The following CCDC171 variants were observed in gnomAD, a reference collection of about 807,000 sequenced individuals.
CCDC171 encodes coiled-coil domain containing 171.
CCDC171 carries 177 observed loss-of-function variants against 168.2 expected under a neutral mutation model. The observed-to-expected ratio is 1.05, with a 90% CI of 0.93 to 1.19. The LOEUF (loss-of-function observed/expected upper bound fraction) is 1.19. Ranked by LOEUF, CCDC171 falls within the 50% of genes most tolerant of loss-of-function variation. The pLI, the probability that CCDC171 is intolerant of heterozygous loss-of-function variation, is 0.00. For synonymous variants in CCDC171, 687 were observed against 540.8 expected (o/e 1.27, Z -3.75); for missense variants, 1,991 against 1,539.0 (o/e 1.29, Z -4.91).
Position 15,961,021 on chromosome 9 carries a change from A to AT in CCDC171, c.3754-10588_3754-10587insT, listed in dbSNP as rs138430905. Among the ~76,000 whole-genome samples the AT allele has an allele frequency of 5.7e-3, 874 of 152,324 alleles. 7 individuals carry two copies. Among genetic ancestry groups the AT allele is most frequent in the African/African-American group, 0.02 (826 of 41,576 alleles). On this transcript the variant is annotated intron_variant, in intron 25 of 25. Transcript: ENST00000380701. ...GTGGAAGGGAGGGGCATGCAAAAAA[A>AT]AATGGGTTTCAAATTGCAAAATGAG... is the stretch of plus-strand genomic sequence containing the variant.
At chr9:16,037,265 G>T (rs1054432404) in intron 8 of CCDC171, among the ~76,000 whole-genome samples, 2 of 152,140 alleles carry the variant, frequency 1.3e-5, no homozygotes, top group Non-Finnish European at 2.9e-5. Flanking sequence ...CAATAAATAT[G>T]TACAATTATC....
chr9:15,864,934 T>G (rs1435746281), intron 23 of CCDC171, among the ~76,000 whole-genome samples: 1 of 152,076 alleles, frequency 6.6e-6, no homozygotes, highest in African/African-American at 2.4e-5. Flanking sequence ...TCCTACAAGT[T>G]TGGAAAGATT....
intron 3 of CCDC171, among the ~76,000 whole-genome samples, chr9:15,990,730 G>A (rs1370192041): frequency 6.6e-6 from 1 of 152,106 alleles, no homozygotes; most frequent in African/African-American, 2.4e-5. Context: ...GATGGAGGAA[G>A]ATCTACCAAG....
In CCDC171 at chr9:15,874,659, G is replaced by A. The variant is rs1452378957; in HGVS notation, c.3596G>A (p.Cys1199Tyr). 2 of 1,575,742 alleles carry A rather than the reference G, an allele frequency of 1.3e-6. No individual in the cohort carries two copies. Among genetic ancestry groups the A allele is most frequent in the African/African-American group, 1.4e-5 (1 of 72,894 alleles). Residue 1199 changes from cysteine (C) to tyrosine (Y), a missense_variant, in exon 24 of 26, where the codon TGC (cysteine) becomes TAC (tyrosine). By Grantham distance (194) the Cys-to-Tyr change is radical. Coordinates refer to ENST00000380701, the MANE Select transcript of CCDC171 (RefSeq NM_173550.4). ...GLKGGPEVVA[C>Y]QAMIKSFMDV... ...AAGGGCGGGCCAGAGGTGGTAGCAT[G>A]CCAGGTTAGAGTCTAAATAACATTG...
chr9:15,651,166 G>C (rs933966993), intron 7 of CCDC171, among the ~76,000 whole-genome samples: 3 of 151,124 alleles, frequency 2.0e-5, no homozygotes, highest in Non-Finnish European at 4.4e-5. Flanking sequence ...CTGGAGTGCA[G>C]TGTGCAATCT....
At chr9:15,661,823 G>A (rs1462677890) in intron 8 of CCDC171, among the ~76,000 whole-genome samples, 1 of 152,178 alleles carries the variant, frequency 6.6e-6, no homozygotes, top group Non-Finnish European at 1.5e-5. Flanking sequence ...AAAGAAGGTA[G>A]CAATGTAGAC....
intron 7 of CCDC171, among the ~76,000 whole-genome samples, chr9:15,633,558 A>G (rs923421047): frequency 1.7e-4 from 26 of 152,254 alleles, no homozygotes; most frequent in African/African-American, 6.0e-4. Context: ...AAATAGGAAC[A>G]CTTTTACACT....
intron 3 of CCDC171, among the ~76,000 whole-genome samples, chr9:15,995,666 C>G (rs770582051): frequency 1.3e-5 from 2 of 152,198 alleles, no homozygotes; most frequent in Non-Finnish European, 2.9e-5. Context: ...CAGTGATGAC[C>G]TTGACAAACT....
chr9:15,632,708 C>T (rs1274088187), intron 7 of CCDC171, among the ~76,000 whole-genome samples: 4 of 152,086 alleles, frequency 2.6e-5, no homozygotes, highest in Non-Finnish European at 4.4e-5. Flanking sequence ...GAGCCTGCAT[C>T]GCCAAGTCAA....
chr9:15,733,435 T>C (rs986037871), intron 16 of CCDC171, among the ~76,000 whole-genome samples: 2 of 152,058 alleles, frequency 1.3e-5, no homozygotes, highest in African/African-American at 4.8e-5. Flanking sequence ...ATGATCAATT[T>C]TGAGTTAGTT....
At chr9:15,646,762 A>C (rs2047074733) in intron 7 of CCDC171, among the ~76,000 whole-genome samples, 1 of 152,200 alleles carries the variant, frequency 6.6e-6, no homozygotes, top group Non-Finnish European at 1.5e-5. Context: ...AAATCCTTAG[A>C]GACCTACAAA....
At chr9:15,993,642 T>G (rs1415500902) in intron 3 of CCDC171, among the ~76,000 whole-genome samples, 3 of 152,112 alleles carry the variant, frequency 2.0e-5, no homozygotes, top group Admixed American at 2.0e-4. Context: ...GAAACTACCA[T>G]CAGCGTGAAC....
intron 6 of CCDC171, among the ~76,000 whole-genome samples, chr9:16,029,194 T>A (rs1290660194): frequency 1.3e-5 from 2 of 152,174 alleles, no homozygotes; most frequent in African/African-American, 2.4e-5. Context: ...AGGGGCAACA[T>A]CTTCTGATTT....
Position 15,920,264 on chromosome 9 carries a change from C to T in CCDC171, c.3601-6C>T, listed in dbSNP as rs763467232. 5.8e-6 allele frequency: 9 copies of T among 1,550,384 alleles called. No individual in the cohort carries two copies. The highest frequency in any genetic ancestry group is 7.0e-6 in the Non-Finnish European group (8 of 1,141,328). Reference sequence around the variant, plus strand: ...ATTATATGTGACATTATTTTTATTTCTTAAGGCTATGATTAAAAGTTTCAT... The same window carrying T: ...ATTATATGTGACATTATTTTTATTTTTTAAGGCTATGATTAAAAGTTTCAT... On this transcript the variant is annotated splice_region_variant and splice_polypyrimidine_tract_variant and intron_variant, in intron 24 of 25. Transcript: ENST00000380701.
At chr9:15,939,517 C>T (rs982151385) in intron 25 of CCDC171, among the ~76,000 whole-genome samples, 1 of 151,752 alleles carries the variant, frequency 6.6e-6, no homozygotes, top group African/African-American at 2.4e-5. Context: ...AAATTGGTCA[C>T]CATTTCAATA....
chr9:15,963,591 A>G (rs1830543431), intron 25 of CCDC171, among the ~76,000 whole-genome samples: 1 of 152,184 alleles, frequency 6.6e-6, no homozygotes, highest in Non-Finnish European at 1.5e-5. Flanking sequence ...AGATCATCAG[A>G]CATCTAAGTT....
chr9:15,771,646 T>TTATTTATATAGTTTAA (rs2057019402), intron 18 of CCDC171, among the ~76,000 whole-genome samples: 1 of 152,348 alleles, frequency 6.6e-6, no homozygotes, highest in East Asian at 1.9e-4. Flanking sequence ...TTAAAATTAT[T>TTATTTATATAGTTTAA]AATCATTTAT....
At chr9:16,019,780 A>G (rs527491160) in intron 3 of CCDC171, among the ~76,000 whole-genome samples, 4 of 152,316 alleles carry the variant, frequency 2.6e-5, no homozygotes, top group Admixed American at 1.3e-4. Context: ...GTCATTAATC[A>G]TTACAAGTGT....
chr9:15,985,811 C>T (rs575102667), intron 3 of CCDC171, among the ~76,000 whole-genome samples: 1 of 152,232 alleles, frequency 6.6e-6, no homozygotes, highest in African/African-American at 2.4e-5. Context: ...GAATATGAGT[C>T]CCTTTGACAG....
Sources: allele counts gnomAD v4.1 joint callset (sites outside exome capture counted in the v4.1 genomes callset), GRCh38; gene constraint gnomAD v4.1.1; transcripts MANE v1.5; gene names NCBI Gene and HGNC (gene_info 2026-07-23, HGNC 2026-07-21).